SLC7A14: variants seen among roughly 807,000 people sequenced by gnomAD.
SLC7A14 encodes the protein gamma-aminobutyric acid transporter SLC7A14.
In SLC7A14, 37 loss-of-function variants were observed where a neutral mutation model predicts 60.2. That is an observed-to-expected ratio of 0.61 (90% CI 0.47 to 0.81). The LOEUF is 0.81. SLC7A14 is among the 30% of genes least tolerant of loss of function. The pLI, the probability that SLC7A14 is intolerant of heterozygous loss-of-function variation, is 0.00. For synonymous variants in SLC7A14, 399 were observed against 395.8 expected (o/e 1.01, Z -0.10); for missense variants, 886 against 982.7 (o/e 0.90, Z 1.32).
chr3:170,533,704 A>G (rs1022400178), intron 1 of SLC7A14, among the ~76,000 whole-genome samples: 5 of 151,398 alleles, frequency 3.3e-5, no homozygotes, highest in East Asian at 1.9e-4. Flanking sequence ...ACGCACACAC[A>G]TGTGTGCACA....
chr3:170,577,624 C>CAAAAAAA (rs56357954), intron 1 of SLC7A14, among the ~76,000 whole-genome samples: 5 of 52,062 alleles, frequency 9.6e-5, no homozygotes, highest in Non-Finnish European at 8.6e-5. Flanking sequence ...GACTCCGTCT[C>CAAAAAAA]AAAAAAAAAA....
At position 170,501,361 on chromosome 3, in the gene SLC7A14, A is replaced by T. The variant is rs746101524; in HGVS notation, c.305-16T>A. Reference sequence around the variant, plus strand: ...TAGCAGACGCCTGCAAGGGACAGACATACACAGATGGTGGACTTCAGGAGA... The same window carrying T: ...TAGCAGACGCCTGCAAGGGACAGACTTACACAGATGGTGGACTTCAGGAGA... On this transcript the variant is annotated splice_polypyrimidine_tract_variant and intron_variant, in intron 2 of 7. Transcript: ENST00000231706. 5.0e-6 allele frequency: 8 copies of T among 1,607,816 alleles called. No homozygotes were observed. Among genetic ancestry groups the T allele is most frequent in the Non-Finnish European group, 5.1e-6 (6 of 1,174,288 alleles).
At chr3:170,467,573 G>A (rs9290392) in intron 7 of SLC7A14, among the ~76,000 whole-genome samples, 196 bp from the exon 8 acceptor site, 20,716 of 152,026 alleles carry the variant, frequency 0.14, 1,917 homozygotes, top group African/African-American at 0.23. Context: ...GGGAGATCTT[G>A]CGTTAAGTAA....
At chr3:170,548,632 C>G (rs912445152) in intron 1 of SLC7A14, among the ~76,000 whole-genome samples, 2 of 152,220 alleles carry the variant, frequency 1.3e-5, no homozygotes, top group Non-Finnish European at 2.9e-5. Context: ...ACAGATGCAG[C>G]TCCTCAGGCT....
chr3:170,505,354 G>C (rs1169674795), intron 2 of SLC7A14, among the ~76,000 whole-genome samples: 1 of 152,148 alleles, frequency 6.6e-6, no homozygotes, highest in Non-Finnish European at 1.5e-5. Flanking sequence ...ACTTCGTTGC[G>C]TCTCCTAATG....
At chr3:170,568,301 C>G (rs1481081770) in intron 1 of SLC7A14, among the ~76,000 whole-genome samples, 2 of 152,140 alleles carry the variant, frequency 1.3e-5, no homozygotes, top group Non-Finnish European at 2.9e-5. Context: ...TCAGGTTTGT[C>G]AAAGATCAGA....
At chr3:170,579,492 G>C (rs1715181046) in intron 1 of SLC7A14, among the ~76,000 whole-genome samples, 1 of 152,220 alleles carries the variant, frequency 6.6e-6, no homozygotes, top group Admixed American at 6.5e-5. Flanking sequence ...TGTTCATTGG[G>C]TTGGAATATT....
chr3:170,527,049 C>G lies in SLC7A14; in HGVS notation c.-113G>C. 8.8e-7 allele frequency: 1 copy of G among 1,134,558 alleles called. No homozygotes were observed. Among genetic ancestry groups the G allele is most frequent in the South Asian group, 1.6e-5 (1 of 61,832 alleles). The allele number at this position is 1,134,558 out of a possible 1,614,324, so 70.3% of individuals were successfully genotyped here. A position where few individuals can be genotyped will look rare whatever the true frequency, so the allele number is the denominator to read the frequency against. ...CAGGGATCTCCCTTTTAGGAAAGGC[C>G]CAGAGGGACCCAGTGCAGCCTTCTC... On this transcript the variant is annotated 5_prime_UTR_variant, in exon 2 of 8. Coordinates refer to ENST00000231706, the MANE Select transcript of SLC7A14 (RefSeq NM_020949.3).
chr3:170,529,747 A>T (rs1713617838), intron 1 of SLC7A14, among the ~76,000 whole-genome samples: 1 of 152,210 alleles, frequency 6.6e-6, no homozygotes, highest in African/African-American at 2.4e-5. Flanking sequence ...AGATGAAATT[A>T]GTTGGGGGGA....
In SLC7A14 at chr3:170,480,935, G is replaced by C; in HGVS notation, c.1347C>G (p.Thr449=). The C allele has an allele frequency of 6.2e-7, 1 of 1,613,894 alleles. No individual in the cohort carries two copies. The highest frequency in any genetic ancestry group is 1.1e-5 in the South Asian group (1 of 91,042). Residue 449 remains threonine (T), a synonymous_variant, in exon 7 of 8, where the codon ACC becomes ACG. Transcript: ENST00000231706. ...CAGCCAGAATGCCCTCCTTCTTCTT[G>C]GTGTGCTCCTCAGACAAGAACTTGA... is the stretch of plus-strand genomic sequence containing the variant. ...GFVKFLSEEH[T]KKKEGILADC...
At chr3:170,529,625 A>G (rs948842096) in intron 1 of SLC7A14, among the ~76,000 whole-genome samples, 1 of 152,144 alleles carries the variant, frequency 6.6e-6, no homozygotes, top group Admixed American at 6.5e-5. Flanking sequence ...TCAGTTTCAG[A>G]GAGGGATACA....
chr3:170,531,701 T>C (rs1560271524), intron 1 of SLC7A14, among the ~76,000 whole-genome samples: 3 of 152,218 alleles, frequency 2.0e-5, no homozygotes. Flanking sequence ...TAATCAAATA[T>C]AGTTTTGGAA....
At chr3:170,568,748 A>G (rs1423111196) in intron 1 of SLC7A14, among the ~76,000 whole-genome samples, 1 of 152,132 alleles carries the variant, frequency 6.6e-6, no homozygotes, top group African/African-American at 2.4e-5. Flanking sequence ...TTGGATTCCT[A>G]GGTATTTTGT....
intron 4 of SLC7A14, among the ~76,000 whole-genome samples, chr3:170,486,848 G>A (rs112607918): frequency 0.14 from 20,865 of 145,970 alleles, 2,774 homozygotes; most frequent in African/African-American, 0.36. Flanking sequence ...CTCCAGCCTC[G>A]GCGACAGAGG....
intron 1 of SLC7A14, among the ~76,000 whole-genome samples, chr3:170,561,022 C>A (rs1444215711): frequency 6.6e-6 from 1 of 152,130 alleles, no homozygotes; most frequent in Non-Finnish European, 1.5e-5. Context: ...ACATTAGTGC[C>A]CTTTCCAGGG....
At chr3:170,511,893 A>G (rs556118602) in intron 2 of SLC7A14, among the ~76,000 whole-genome samples, 5 of 152,326 alleles carry the variant, frequency 3.3e-5, no homozygotes, top group African/African-American at 1.2e-4. Context: ...GCAATGAGAA[A>G]TTGTGAGGGT....
chr3:170,573,792 C>T (rs1715013841), intron 1 of SLC7A14, among the ~76,000 whole-genome samples: 1 of 152,184 alleles, frequency 6.6e-6, no homozygotes, highest in Non-Finnish European at 1.5e-5. Context: ...CTGTTGCAGC[C>T]TGAATGGCAC....
At chr3:170,567,158 C>T (rs1714815968) in intron 1 of SLC7A14, among the ~76,000 whole-genome samples, 1 of 113,556 alleles carries the variant, frequency 8.8e-6, no homozygotes, top group Admixed American at 1.1e-4. Flanking sequence ...TCCCTCCCCC[C>T]TCCCCCCACC....
chr3:170,477,609 T>C (rs1445904318), intron 7 of SLC7A14, among the ~76,000 whole-genome samples: 4 of 152,254 alleles, frequency 2.6e-5, no homozygotes, highest in Admixed American at 6.5e-5. Context: ...TCTGTACTAG[T>C]AGTACTAATG....
Sources: gnomAD v4.1 joint callset for allele counts (sites outside exome capture counted in the v4.1 genomes callset) on GRCh38, gnomAD v4.1.1 for gene constraint, MANE v1.5 for transcripts, NCBI Gene and HGNC (gene_info 2026-07-23, HGNC 2026-07-21) for gene names.